FER1L6: variants seen among roughly 807,000 people sequenced by gnomAD.
FER1L6 encodes the protein fer-1 like family member 6.
In FER1L6, 177 loss-of-function variants were observed where a neutral mutation model predicts 219.2. That is an observed-to-expected ratio of 0.81 (90% CI 0.71 to 0.91). The LOEUF (loss-of-function observed/expected upper bound fraction) is 0.91. Among genes scored for constraint, FER1L6 ranks in the 40% least tolerant of loss-of-function variants. The probability of loss-of-function intolerance (pLI) is 0.00; values close to 1 mark genes in which losing one functional copy is unlikely to be tolerated. For missense variants in FER1L6, 2,153 were observed against 2,259.9 expected (o/e 0.95, Z 0.96); for synonymous variants, 768 against 824.3 (o/e 0.93, Z 1.17).
chr8:124,082,102 CAG>C (rs148257777), intron 32 of FER1L6, among the ~76,000 whole-genome samples, 184 bp from the exon 33 acceptor site: 79 of 152,322 alleles, frequency 5.2e-4, no homozygotes, highest in African/African-American at 1.9e-3. Flanking sequence ...AAATTGATAA[CAG>C]AGTTGAAAAT....
intron 22 of FER1L6, among the ~76,000 whole-genome samples, chr8:124,059,374 T>G (rs374835043): frequency 5.9e-5 from 9 of 152,280 alleles, no homozygotes; most frequent in African/African-American, 2.2e-4. Flanking sequence ...AAAGGACATG[T>G]TGCATTCAAA....
Position 123,932,906 on chromosome 8 carries a change from A to G in FER1L6, c.-7-23086A>G, listed in dbSNP as rs138726558. ...CCAAACAAGCTATTGCTGTGCTAGTAGAGGAGACAGACAGGTAAAAGGGTC... is the reference window on the plus strand; with the variant it reads ...CCAAACAAGCTATTGCTGTGCTAGTGGAGGAGACAGACAGGTAAAAGGGTC... On this transcript the variant is annotated intron_variant, in intron 1 of 40. Transcript: ENST00000522917. Among the ~76,000 whole-genome samples the G allele has an allele frequency of 4.0e-3, 614 of 152,348 alleles. 4 individuals are homozygous for G. Among genetic ancestry groups the G allele is most frequent in the African/African-American group, 0.014 (579 of 41,588 alleles).
At chr8:124,031,675 A>G (rs1014909398) in intron 18 of FER1L6, among the ~76,000 whole-genome samples, 1 of 152,186 alleles carries the variant, frequency 6.6e-6, no homozygotes. Context: ...TCTAGTTTCT[A>G]TGGCTAACCT....
chr8:123,909,820 GA>G (rs1436886230), intron 1 of FER1L6, among the ~76,000 whole-genome samples: 1 of 151,370 alleles, frequency 6.6e-6, no homozygotes, highest in Non-Finnish European at 1.5e-5. Context: ...GCAATCAAAT[GA>G]AACAGAGGAC....
At chr8:123,898,846 TATAC>T (rs1045931580) in intron 1 of FER1L6, among the ~76,000 whole-genome samples, 1 of 126,802 alleles carries the variant, frequency 7.9e-6, no homozygotes, top group Non-Finnish European at 1.8e-5. Flanking sequence ...TACATACATA[TATAC>T]ACACACACAC....
At position 123,980,843 on chromosome 8, in the gene FER1L6, C is replaced by A. The variant is rs753260281; in HGVS notation, c.1410+32C>A. 4.5e-6 allele frequency: 7 copies of A among 1,552,566 alleles called. No homozygotes were observed. In the African/African-American group the frequency reaches 9.5e-5, roughly 21 times the overall value. The stretch of plus-strand genomic sequence containing the variant: ...CTAGGCACTGCATTATGGTACTTTA[C>A]CTATGAGGTGAACCAGAGCAGGGAC... On this transcript the variant is annotated intron_variant, in intron 11 of 40. Transcript: ENST00000522917.
chr8:124,010,443 A>G (rs187400414), intron 13 of FER1L6, 151 bp from the exon 14 acceptor site: 29 of 820,214 alleles, frequency 3.5e-5, no homozygotes, highest in East Asian at 1.4e-4. Context: ...CAGGTCCCCA[A>G]TTATAGATCA....
At chr8:123,858,256 G>A (rs779297256) in intron 1 of FER1L6, among the ~76,000 whole-genome samples, 5 of 152,202 alleles carry the variant, frequency 3.3e-5, no homozygotes, top group African/African-American at 7.2e-5. Flanking sequence ...TGGAGATGGC[G>A]TCTGTCAGGT....
intron 11 of FER1L6, among the ~76,000 whole-genome samples, chr8:123,981,954 C>T (rs1408937635): frequency 6.6e-6 from 1 of 152,096 alleles, no homozygotes. Context: ...ATGGTTTTCT[C>T]CCACCACCAG....
At chr8:123,923,347 A>G (rs1222702157) in intron 1 of FER1L6, among the ~76,000 whole-genome samples, 1 of 152,220 alleles carries the variant, frequency 6.6e-6, no homozygotes, top group Non-Finnish European at 1.5e-5. Context: ...ATGCACGGCC[A>G]TTGGCTTTGA....
At chr8:123,999,819 C>T (rs771238147) in intron 12 of FER1L6, among the ~76,000 whole-genome samples, 1 of 152,122 alleles carries the variant, frequency 6.6e-6, no homozygotes, top group Admixed American at 6.5e-5. Context: ...CCTCCTCAAG[C>T]AGAGGGAAGG....
intron 13 of FER1L6, among the ~76,000 whole-genome samples, chr8:124,008,708 G>A (rs150463019): frequency 0.031 from 4,684 of 152,200 alleles, 213 homozygotes; most frequent in East Asian, 0.11. Context: ...CACAGAGTGG[G>A]AGAAAATCTT....
intron 1 of FER1L6, among the ~76,000 whole-genome samples, chr8:123,867,271 T>G (rs1431951606): frequency 1.3e-5 from 2 of 152,232 alleles, no homozygotes; most frequent in African/African-American, 4.8e-5. Flanking sequence ...TTAGGACAAT[T>G]TCTGGGTTAT....
At chr8:123,920,814 A>T (rs1813338211) in intron 1 of FER1L6, among the ~76,000 whole-genome samples, 1 of 152,236 alleles carries the variant, frequency 6.6e-6, no homozygotes, top group African/African-American at 2.4e-5. Flanking sequence ...AACTGAAACT[A>T]TACCCATTGA....
intron 1 of FER1L6, among the ~76,000 whole-genome samples, chr8:123,942,769 G>T (rs1814294095): frequency 6.6e-6 from 1 of 152,186 alleles, no homozygotes; most frequent in African/African-American, 2.4e-5. Context: ...TATCTGCAAA[G>T]ATTCTTTTTG....
At chr8:123,992,665 GTT>G (rs1393486002) in intron 12 of FER1L6, among the ~76,000 whole-genome samples, 1 of 151,824 alleles carries the variant, frequency 6.6e-6, no homozygotes, top group East Asian at 1.9e-4. Context: ...ACAATTTTTT[GTT>G]TCATTGATCT....
intron 3 of FER1L6, among the ~76,000 whole-genome samples, chr8:123,965,231 C>G (rs16899140): frequency 0.012 from 1,790 of 152,278 alleles, 22 homozygotes; most frequent in African/African-American, 0.039. Context: ...GAGATTTTTA[C>G]TAACTTAATC....
chr8:124,066,063 T>C (rs915356255), intron 26 of FER1L6, among the ~76,000 whole-genome samples: 21 of 152,242 alleles, frequency 1.4e-4, no homozygotes, highest in African/African-American at 4.8e-4. Flanking sequence ...CCCAGGTCAG[T>C]ATGAAGCTAA....
intron 3 of FER1L6, 135 bp downstream of exon 3, chr8:123,963,533 GA>G (rs1815398742): frequency 1.1e-6 from 1 of 943,698 alleles, no homozygotes; most frequent in Non-Finnish European, 1.6e-6. Flanking sequence ...TCTAAGGCAG[GA>G]AGACTGTGTC....
Sources: gnomAD v4.1 joint callset for allele counts (sites outside exome capture counted in the v4.1 genomes callset) on GRCh38, gnomAD v4.1.1 for gene constraint, MANE v1.5 for transcripts, NCBI Gene and HGNC (gene_info 2026-07-23, HGNC 2026-07-21) for gene names.